The following RBMS3 variants were observed in gnomAD, a reference collection of about 807,000 sequenced individuals.
The protein encoded by RBMS3 is RNA-binding motif, single-stranded-interacting protein 3.
A neutral mutation model predicts 66.8 loss-of-function variants in RBMS3; 27 were observed. The observed-to-expected ratio is 0.40, with a 90% CI of 0.30 to 0.56. RBMS3 has a LOEUF of 0.56. Ranked by LOEUF, RBMS3 falls within the 20% of genes least tolerant of loss-of-function variation. RBMS3 has a pLI of 0.40. For synonymous variants in RBMS3, 188 were observed against 183.0 expected (o/e 1.03, Z -0.22); for missense variants, 513 against 549.5 (o/e 0.93, Z 0.66).
At chr3:29,514,731 T>C (rs988068874) in intron 3 of RBMS3, among the ~76,000 whole-genome samples, 8 of 144,410 alleles carry the variant, frequency 5.5e-5, no homozygotes, top group African/African-American at 2.1e-4. Flanking sequence ...ATGATAAGCA[T>C]ATATATATGA....
At chr3:29,701,437 G>A (rs549242653) in intron 4 of RBMS3, among the ~76,000 whole-genome samples, 3 of 152,300 alleles carry the variant, frequency 2.0e-5, no homozygotes, top group African/African-American at 7.2e-5. Context: ...GCCCTCGCTC[G>A]CCCTCGGTGC....
At chr3:29,977,571 C>G (rs1245161932) in intron 12 of RBMS3, among the ~76,000 whole-genome samples, 1 of 151,944 alleles carries the variant, frequency 6.6e-6, no homozygotes, top group Non-Finnish European at 1.5e-5. Context: ...AGTGTCTAGA[C>G]TTTTTGGAAC....
chr3:29,312,391 G>T (rs952935646), intron 1 of RBMS3, among the ~76,000 whole-genome samples: 2 of 151,684 alleles, frequency 1.3e-5, no homozygotes, highest in Admixed American at 6.6e-5. Context: ...CTGACAAGAG[G>T]TTCACTTACA....
At chr3:29,351,228 C>T (rs2036895653) in intron 1 of RBMS3, among the ~76,000 whole-genome samples, 1 of 152,108 alleles carries the variant, frequency 6.6e-6, no homozygotes, top group African/African-American at 2.4e-5. Context: ...CATTTTCCTG[C>T]AAATTTCCTT....
At chr3:29,966,276 T>C (rs1376865157) in intron 12 of RBMS3, among the ~76,000 whole-genome samples, 1 of 152,206 alleles carries the variant, frequency 6.6e-6, no homozygotes, top group Non-Finnish European at 1.5e-5. Context: ...TGATGGGGAT[T>C]TTGTGGAATT....
intron 1 of RBMS3, among the ~76,000 whole-genome samples, chr3:29,329,812 T>C (rs1049267072): frequency 8.8e-5 from 13 of 148,182 alleles, no homozygotes; most frequent in African/African-American, 2.9e-4. Flanking sequence ...AGATTATATA[T>C]ATTATATGTA....
At chr3:29,756,403 A>G (rs1027666841) in intron 5 of RBMS3, among the ~76,000 whole-genome samples, 2 of 152,158 alleles carry the variant, frequency 1.3e-5, no homozygotes, top group African/African-American at 4.8e-5. Context: ...ATGGACTCAC[A>G]GATCCACATG....
At chr3:29,681,912 C>A (rs958037765) in intron 4 of RBMS3, among the ~76,000 whole-genome samples, 8 of 152,286 alleles carry the variant, frequency 5.3e-5, no homozygotes, top group Admixed American at 3.3e-4. Flanking sequence ...GCCTCTAGGT[C>A]TTTGAGGAAC....
chr3:29,709,497 C>G (rs889770430), intron 4 of RBMS3, among the ~76,000 whole-genome samples: 2 of 152,056 alleles, frequency 1.3e-5, no homozygotes, highest in African/African-American at 4.8e-5. Context: ...TGTAATGAAG[C>G]TTTTATAGTT....
chr3:29,639,509 G>C lies in RBMS3; in HGVS notation c.399+52304G>C, dbSNP rs182100194. On this transcript the variant is annotated intron_variant, in intron 4 of 14. Coordinates refer to ENST00000383767, the MANE Select transcript of RBMS3 (RefSeq NM_001003793.3). Reference sequence around the variant, plus strand: ...ATTACATTCTGCTTCCATAGTGTTTGTACTAAGATGAGAAAATGTTCACTG... The same window carrying C: ...ATTACATTCTGCTTCCATAGTGTTTCTACTAAGATGAGAAAATGTTCACTG... 2.0e-5 allele frequency among the ~76,000 whole-genome samples: 3 copies of C among 151,470 alleles called. No individual in the cohort carries two copies. In the East Asian group the frequency reaches 5.8e-4, roughly 29 times the overall value.
At chr3:29,461,581 C>A (rs1559380080) in intron 2 of RBMS3, among the ~76,000 whole-genome samples, 1 of 152,162 alleles carries the variant, frequency 6.6e-6, no homozygotes, top group Non-Finnish European at 1.5e-5. Flanking sequence ...TAGGACTGAG[C>A]TCTTGAAATG....
chr3:29,578,470 C>T (rs1179004580), intron 3 of RBMS3, among the ~76,000 whole-genome samples: 2 of 152,052 alleles, frequency 1.3e-5, no homozygotes, highest in Non-Finnish European at 2.9e-5. Context: ...TAGAATCCAC[C>T]GTGTCTCATA....
At chr3:29,482,410 G>T (rs1311566521) in intron 2 of RBMS3, among the ~76,000 whole-genome samples, 28 of 152,092 alleles carry the variant, frequency 1.8e-4, no homozygotes, top group African/African-American at 5.8e-4. Flanking sequence ...AAAGAACAAG[G>T]AAAGGCACAA....
At chr3:29,540,273 T>G (rs1432263988) in intron 3 of RBMS3, among the ~76,000 whole-genome samples, 2 of 152,238 alleles carry the variant, frequency 1.3e-5, no homozygotes, top group Admixed American at 6.5e-5. Flanking sequence ...TGTAATAAAC[T>G]GTATACTTCC....
At chr3:29,602,458 A>T (rs1376674291) in intron 4 of RBMS3, among the ~76,000 whole-genome samples, 1 of 152,010 alleles carries the variant, frequency 6.6e-6, no homozygotes, top group Admixed American at 6.6e-5. Flanking sequence ...TGATGGCTGG[A>T]GTTCTCATAG....
At chr3:29,713,368 G>A (rs900802052) in intron 4 of RBMS3, among the ~76,000 whole-genome samples, 2 of 151,900 alleles carry the variant, frequency 1.3e-5, no homozygotes, top group Non-Finnish European at 2.9e-5. Context: ...AAACTACCTG[G>A]CATACCATTC....
intron 6 of RBMS3, among the ~76,000 whole-genome samples, chr3:29,819,041 T>C (rs2058000025): frequency 6.6e-6 from 1 of 152,194 alleles, no homozygotes; most frequent in Non-Finnish European, 1.5e-5. Flanking sequence ...ATACATTCCA[T>C]TGCCACCCAA....
At chr3:29,354,491 T>C (rs2037102756) in intron 1 of RBMS3, among the ~76,000 whole-genome samples, 1 of 152,150 alleles carries the variant, frequency 6.6e-6, no homozygotes, top group African/African-American at 2.4e-5. Flanking sequence ...TACGTGTGTG[T>C]GTGTGTTTAT....
chr3:29,623,408 C>A (rs2048946076), intron 4 of RBMS3, among the ~76,000 whole-genome samples: 1 of 151,414 alleles, frequency 6.6e-6, no homozygotes, highest in South Asian at 2.1e-4. Context: ...CTGGCTAACA[C>A]GGTGAAACCC....
Sources: allele counts gnomAD v4.1 joint callset (sites outside exome capture counted in the v4.1 genomes callset), GRCh38; gene constraint gnomAD v4.1.1; transcripts MANE v1.5; gene names NCBI Gene and HGNC (gene_info 2026-07-23, HGNC 2026-07-21).